The following GNAT3 variants were observed in gnomAD, a reference collection of about 807,000 sequenced individuals.
The protein encoded by GNAT3 is guanine nucleotide-binding protein G(t) subunit alpha-3.
A neutral mutation model predicts 37.7 loss-of-function variants in GNAT3; 31 were observed. The ratio of observed to expected loss-of-function variants is 0.82; its 90% CI spans 0.62 to 1.11. GNAT3 has a LOEUF of 1.11. Ranked by LOEUF, GNAT3 falls within the 50% of genes most tolerant of loss-of-function variation. The pLI is 0.00. For synonymous variants in GNAT3, 138 were observed against 139.8 expected (o/e 0.99, Z 0.09); for missense variants, 437 against 412.5 (o/e 1.06, Z -0.51).
In GNAT3 at chr7:80,483,609, C is replaced by T. The variant is rs554635460; in HGVS notation, c.304-4611G>A. Among the ~76,000 whole-genome samples the T allele has an allele frequency of 2.0e-5, 3 of 151,716 alleles. No homozygotes were observed. The South Asian group carries it at 6.3e-4, about 32-fold the overall frequency. On this transcript the variant is annotated intron_variant, in intron 3 of 7. Transcript: ENST00000398291. ...CTCACAAGGTTCTACATGTTTTGATCCCCTCTTTCCCTCCTTTCTCCCTTT... is the reference window on the plus strand; with the variant it reads ...CTCACAAGGTTCTACATGTTTTGATTCCCTCTTTCCCTCCTTTCTCCCTTT...
chr7:80,499,797 CTG>C (rs1584195276), intron 1 of GNAT3, among the ~76,000 whole-genome samples: 1 of 152,064 alleles, frequency 6.6e-6, no homozygotes, highest in African/African-American at 2.4e-5. Context: ...TCATCTCTGA[CTG>C]TGACTAAGTG....
intron 1 of GNAT3, among the ~76,000 whole-genome samples, chr7:80,499,576 C>T (rs1413904427): frequency 6.6e-6 from 1 of 152,154 alleles, no homozygotes; most frequent in Non-Finnish European, 1.5e-5. Flanking sequence ...CAGAGGCATA[C>T]TGGTATTGCT....
intron 2 of GNAT3, among the ~76,000 whole-genome samples, chr7:80,490,203 T>C (rs1790566324): frequency 6.6e-6 from 1 of 152,182 alleles, no homozygotes; most frequent in South Asian, 2.1e-4. Flanking sequence ...CTCTGTATAA[T>C]ACATTAGTCA....
At chr7:80,474,186 C>T (rs549683019) in intron 5 of GNAT3, 65 bp downstream of exon 5, 3 of 1,507,354 alleles carry the variant, frequency 2.0e-6, no homozygotes, top group Non-Finnish European at 2.7e-6. Flanking sequence ...GAGCTTTTCT[C>T]CATGAGGAAA....
intron 4 of GNAT3, among the ~76,000 whole-genome samples, chr7:80,476,888 C>T (rs930196741): frequency 3.3e-5 from 5 of 151,744 alleles, no homozygotes; most frequent in Admixed American, 1.3e-4. Context: ...ATTATTATTA[C>T]TTTTTGTTTA....
At chr7:80,476,325 T>C (rs1562723578) in intron 4 of GNAT3, among the ~76,000 whole-genome samples, 2 of 151,104 alleles carry the variant, frequency 1.3e-5, no homozygotes, top group Non-Finnish European at 1.5e-5. Flanking sequence ...CCTTAACATA[T>C]ATGAATCTAA....
chr7:80,483,979 C>A (rs1790434713), intron 3 of GNAT3, among the ~76,000 whole-genome samples: 1 of 152,034 alleles, frequency 6.6e-6, no homozygotes, highest in Non-Finnish European at 1.5e-5. Flanking sequence ...ATTTACTCAT[C>A]ATTTTTATTT....
At chr7:80,470,214 A>G (rs895114499) in intron 5 of GNAT3, among the ~76,000 whole-genome samples, 55 of 151,874 alleles carry the variant, frequency 3.6e-4, no homozygotes, top group Admixed American at 9.9e-4. Context: ...AGTAAAGAGA[A>G]TGTTCTTTTT....
At chr7:80,504,258 G>A (rs1387176514) in intron 1 of GNAT3, among the ~76,000 whole-genome samples, 1 of 152,120 alleles carries the variant, frequency 6.6e-6, no homozygotes, top group Non-Finnish European at 1.5e-5. Context: ...TGGGGCTGCA[G>A]TGAGACGTAA....
At chr7:80,503,866 C>T (rs1220235347) in intron 1 of GNAT3, among the ~76,000 whole-genome samples, 1 of 152,014 alleles carries the variant, frequency 6.6e-6, no homozygotes, top group Non-Finnish European at 1.5e-5. Context: ...ATGAGGTCCT[C>T]AAAAGAGAGT....
chr7:80,502,277 C>G (rs1790847670), intron 1 of GNAT3, among the ~76,000 whole-genome samples: 1 of 152,040 alleles, frequency 6.6e-6, no homozygotes, highest in Non-Finnish European at 1.5e-5. Context: ...TTTTGCATAT[C>G]AAGCATATCT....
chr7:80,475,590 G>A (rs1790289684), intron 4 of GNAT3, among the ~76,000 whole-genome samples: 1 of 151,950 alleles, frequency 6.6e-6, no homozygotes, highest in South Asian at 2.1e-4. Flanking sequence ...CAGAATTTGT[G>A]AGGTAGAATC....
Position 80,462,189 on chromosome 7 carries a change from G to T in GNAT3, c.844C>A (p.His282Asn). ...DIFQEKVTKVHLSICFPEYTG... is the reference protein window; with the variant it reads ...DIFQEKVTKVNLSICFPEYTG... ...TATTCTGGAAAGCAGATACTAAGAT[G>T]CACCTTGGTTACCTTTTCTTGAAAG... Residue 282 changes from histidine (H) to asparagine (N), a missense_variant, in exon 7 of 8, where the codon CAT becomes AAT. Transcript: ENST00000398291. 1 of 1,583,710 alleles carries T rather than the reference G, an allele frequency of 6.3e-7. No homozygotes were observed. Among genetic ancestry groups the T allele is most frequent in the Non-Finnish European group, 8.6e-7 (1 of 1,163,026 alleles).
At position 80,511,145 on chromosome 7, in the gene GNAT3, C is replaced by G. The variant is rs372012877; in HGVS notation, c.118+664G>C. ...ATTGAACATTTATTGAATTTATAGTCAAGGTAAAACAGTGCTGAGTTTTGA... is the reference window on the plus strand; with the variant it reads ...ATTGAACATTTATTGAATTTATAGTGAAGGTAAAACAGTGCTGAGTTTTGA... On this transcript the variant is annotated intron_variant, in intron 1 of 7. Transcript: ENST00000398291. Among the ~76,000 whole-genome samples, 10 of 151,114 alleles carry G rather than the reference C, an allele frequency of 6.6e-5. No homozygotes were observed. The East Asian group carries it at 1.7e-3, about 26-fold the overall frequency.
rs139414467 is a variant in GNAT3 at position 80,500,211 on chromosome 7, A to G, written c.119-5564T>C. Among the ~76,000 whole-genome samples, 515 of 145,734 alleles carry G rather than the reference A, an allele frequency of 3.5e-3. 3 individuals carry two copies. The highest frequency in any genetic ancestry group is 0.012 in the African/African-American group (463 of 37,406). Reference sequence around the variant, plus strand: ...TAAATAAGTAATTTTCTTAATAAAGACCATGATTAGTTTGCCTCCTTTTTT... The same window carrying G: ...TAAATAAGTAATTTTCTTAATAAAGGCCATGATTAGTTTGCCTCCTTTTTT... On this transcript the variant is annotated intron_variant, in intron 1 of 7. Transcript: ENST00000398291.
Position 80,488,666 on chromosome 7 carries a change from T to C in GNAT3, c.172A>G (p.Lys58Glu), listed in dbSNP as rs762648351. The C allele has an allele frequency of 1.3e-5, 21 of 1,574,448 alleles. No homozygotes were observed. Among genetic ancestry groups the C allele is most frequent in the Non-Finnish European group, 3.5e-6 (4 of 1,156,776 alleles). ...TIVKQMKIIH[K>E]NGYSEQECME... ...CATTCTTGCTCACTGTAACCATTCTTATGGATGATCCTATAATTTAAACAT... is the reference window on the plus strand; with the variant it reads ...CATTCTTGCTCACTGTAACCATTCTCATGGATGATCCTATAATTTAAACAT... The change falls in exon 3 of 8, where the codon AAG becomes GAG. Residue 58 changes from lysine to glutamate, a missense_variant. Physicochemically the swap from Lys to Glu is moderately conservative, Grantham distance 56. Coordinates refer to ENST00000398291, the MANE Select transcript of GNAT3 (RefSeq NM_001102386.3).
At chr7:80,499,281 C>T (rs1417806564) in intron 1 of GNAT3, among the ~76,000 whole-genome samples, 3 of 152,126 alleles carry the variant, frequency 2.0e-5, no homozygotes, top group East Asian at 1.9e-4. Context: ...TGTGTCATAT[C>T]GCTTTCTTTT....
chr7:80,469,274 T>C (rs1790171860), intron 5 of GNAT3, among the ~76,000 whole-genome samples: 1 of 152,172 alleles, frequency 6.6e-6, no homozygotes, highest in East Asian at 1.9e-4. Flanking sequence ...TAACCTTTTT[T>C]CCTTAGCTCC....
chr7:80,468,778 G>A lies in GNAT3; in HGVS notation c.590+5473C>T, dbSNP rs1020660607. On this transcript the variant is annotated intron_variant, in intron 5 of 7. Transcript: ENST00000398291. ...ATCAAAAGAATTTATAACTGTAAGG[G>A]AGCCAAGCTCTCCAAATCATCAGAA... Among the ~76,000 whole-genome samples, 4 of 152,130 alleles carry A rather than the reference G, an allele frequency of 2.6e-5. No individual in the cohort carries two copies. In the East Asian group the frequency reaches 7.7e-4, roughly 29 times the overall value.
Sources: allele counts gnomAD v4.1 joint callset (sites outside exome capture counted in the v4.1 genomes callset), GRCh38; gene constraint gnomAD v4.1.1; transcripts MANE v1.5; gene names NCBI Gene and HGNC (gene_info 2026-07-23, HGNC 2026-07-21).